CLIP2: variants seen among roughly 807,000 people sequenced by gnomAD.
The protein encoded by CLIP2 is CAP-Gly domain containing linker protein 2, also known as CAP-Gly domain-containing linker protein 2.
A neutral mutation model predicts 111.7 loss-of-function variants in CLIP2; 41 were observed. The ratio of observed to expected loss-of-function variants is 0.37; its 90% CI spans 0.29 to 0.48. The LOEUF is 0.48. CLIP2 is among the 20% of genes least tolerant of loss of function. CLIP2 has a pLI of 0.99. For synonymous variants in CLIP2, 660 were observed against 644.2 expected (o/e 1.02, Z -0.37); for missense variants, 1,160 against 1,422.1 (o/e 0.82, Z 2.96).
intron 1 of CLIP2, among the ~76,000 whole-genome samples, chr7:74,314,239 C>T (rs1554728863): frequency 1.3e-5 from 2 of 150,842 alleles, no homozygotes; most frequent in East Asian, 3.9e-4. Flanking sequence ...GCCTGTAATC[C>T]CTGCATTGTG....
In CLIP2 at chr7:74,401,549, C is replaced by T. The variant is rs77274671; in HGVS notation, c.3111C>T (p.Asp1037=). 1.3e-5 allele frequency: 21 copies of T among 1,614,018 alleles called. No individual in the cohort carries two copies. In the East Asian group the frequency reaches 1.8e-4, roughly 14 times the overall value. The change falls in exon 16 of 17, where the codon GAC becomes GAT. Residue 1037 remains aspartate, a synonymous_variant. Coordinates refer to ENST00000223398, the MANE Select transcript of CLIP2 (RefSeq NM_003388.5). ...SGSANGIHQQ[D]KAQKQEDKH is the part of the protein sequence containing the mutation. ...CTGCAAACGGCATCCACCAGCAGGA[C>T]AAAGCTCAGAAACAAGAGGTGAGGG...
At chr7:74,389,387 G>T (rs769684158) in intron 13 of CLIP2, 128 bp downstream of exon 13, 5 of 905,318 alleles carry the variant, frequency 5.5e-6, no homozygotes, top group Non-Finnish European at 6.5e-6. Context: ...GGCCGATCTC[G>T]AGCGATCACC....
chr7:74,370,754 G>A (rs1249367881), intron 8 of CLIP2, among the ~76,000 whole-genome samples: 1 of 151,954 alleles, frequency 6.6e-6, no homozygotes, highest in African/African-American at 2.4e-5. Context: ...AAACACTTGC[G>A]CCTCTTCCTC....
rs921161188 is a variant in CLIP2, at chr7:74,389,279, G to A, written c.2720+20G>A. On this transcript the variant is annotated intron_variant, in intron 13 of 16. Transcript: ENST00000223398. The stretch of plus-strand genomic sequence containing the variant: ...GGAGCGGTGAGGCGGCCGTGGGGCC[G>A]GCTGGGTCCTCCCTGTGGCCCTGGC... The A allele has an allele frequency of 1.9e-5, 29 of 1,554,316 alleles. No homozygotes were observed. The highest frequency in any genetic ancestry group is 1.8e-4 in the Middle Eastern group (1 of 5,692).
chr7:74,404,520 AAC>A lies in CLIP2; in HGVS notation c.*683_*684del, dbSNP rs1562736474. 6 of 154,358 alleles carry A rather than the reference AAC, an allele frequency of 3.9e-5. No homozygotes were observed. Among genetic ancestry groups the A allele is most frequent in the Non-Finnish European group, 7.2e-5 (5 of 69,228 alleles). 9.6% of individuals were successfully genotyped at this position (154,358 alleles called of 1,614,324 possible). A position where few individuals can be genotyped will look rare whatever the true frequency, so the allele number is the denominator to read the frequency against. On this transcript the variant is annotated 3_prime_UTR_variant, in exon 17 of 17. Coordinates refer to ENST00000223398, the MANE Select transcript of CLIP2 (RefSeq NM_003388.5). ...CCTTCTCCCGCTGCCCACCAACACC[AAC>A]ACACACACACCTCTAAGCTGCTGGC...
At chr7:74,303,767 C>T (rs1044848725) in intron 1 of CLIP2, among the ~76,000 whole-genome samples, 1 of 151,644 alleles carries the variant, frequency 6.6e-6, no homozygotes, top group East Asian at 2.0e-4. Flanking sequence ...CAAAAATTAG[C>T]CAGTTGTGGT....
In CLIP2 at chr7:74,338,887, G is replaced by T; in HGVS notation, c.561G>T (p.Leu187=). ...TPPLTSRVIP[L]RESVLNSSVK... Reference sequence around the variant, plus strand: ...CGCTGACCAGCCGCGTCATCCCCCTGCGGGAGAGCGTCCTCAACAGCTCCG... The same window carrying T: ...CGCTGACCAGCCGCGTCATCCCCCTTCGGGAGAGCGTCCTCAACAGCTCCG... The change falls in exon 3 of 17, where the codon CTG becomes CTT. Residue 187 remains leucine (L), a synonymous_variant. Coordinates refer to ENST00000223398, the MANE Select transcript of CLIP2 (RefSeq NM_003388.5). This position sits in a 1 kb window ranked among gnomAD's most constrained non-coding sequence, Gnocchi z 4.3. The T allele has an allele frequency of 6.2e-7, 1 of 1,605,918 alleles. No homozygotes were observed.
chr7:74,328,222 G>A (rs949405358), intron 2 of CLIP2, among the ~76,000 whole-genome samples: 3 of 152,150 alleles, frequency 2.0e-5, no homozygotes, highest in African/African-American at 2.4e-5. Context: ...GACCCAATGC[G>A]GGGACTGCCG....
intron 7 of CLIP2, among the ~76,000 whole-genome samples, chr7:74,362,326 C>T (rs969431600): frequency 2.0e-5 from 3 of 152,042 alleles, no homozygotes; most frequent in Non-Finnish European, 4.4e-5. Context: ...GCAGCCAGCC[C>T]CCATCCCCAA....
intron 2 of CLIP2, among the ~76,000 whole-genome samples, chr7:74,324,097 A>G (rs1452866369): frequency 6.6e-6 from 1 of 152,104 alleles, no homozygotes; most frequent in East Asian, 1.9e-4. Context: ...GGTTCAAGCG[A>G]TTCTTCTGCC....
intron 8 of CLIP2, 88 bp downstream of exon 8, chr7:74,364,403 C>T: frequency 8.6e-7 from 1 of 1,157,286 alleles, no homozygotes; most frequent in Non-Finnish European, 1.3e-6. Flanking sequence ...CCAGCAGCAC[C>T]TCTAGGCCCC....
intron 2 of CLIP2, among the ~76,000 whole-genome samples, chr7:74,337,944 G>A (rs1390728167): frequency 1.3e-5 from 2 of 152,108 alleles, no homozygotes; most frequent in East Asian, 3.9e-4. Flanking sequence ...GCTCTGGAGG[G>A]CTGGAAGAGT....
intron 6 of CLIP2, among the ~76,000 whole-genome samples, chr7:74,359,499 G>T (rs1790257012): frequency 6.6e-6 from 1 of 151,516 alleles, no homozygotes; most frequent in Non-Finnish European, 1.5e-5. Context: ...GACTACAGGA[G>T]CCCACCACCA....
Position 74,376,752 on chromosome 7 carries a change from G to C in CLIP2, c.2351G>C (p.Arg784Pro). The change falls in exon 10 of 17, where the codon CGG (arginine) becomes CCG (proline). Residue 784 changes from arginine to proline, a missense_variant. Arg to Pro is a moderately radical substitution (Grantham distance 103). Transcript: ENST00000223398. The surrounding 1 kb of genome is among the most constrained non-coding windows in gnomAD (Gnocchi z 7.1). The stretch of plus-strand genomic sequence containing the variant: ...GGCAAACAGGAGGTCGAGAGTTTGC[G>C]GGAGAAGCTCCTGGTGGCTGAGAAC... ...AQGKQEVESL[R>P]EKLLVAENRL... 1 of 1,612,128 alleles carries C rather than the reference G, an allele frequency of 6.2e-7. No individual in the cohort carries two copies. The highest frequency in any genetic ancestry group is 8.5e-7 in the Non-Finnish European group (1 of 1,179,516).
intron 2 of CLIP2, among the ~76,000 whole-genome samples, chr7:74,331,538 C>T (rs868932710): frequency 8.3e-4 from 120 of 144,276 alleles, no homozygotes; most frequent in South Asian, 3.5e-3. Context: ...CTTTTCTTTT[C>T]GTTTTCTTTT....
chr7:74,320,248 G>A (rs1554729847), intron 2 of CLIP2, among the ~76,000 whole-genome samples: 2 of 150,286 alleles, frequency 1.3e-5, no homozygotes, highest in Admixed American at 6.6e-5. Flanking sequence ...AGTGGGGGCC[G>A]GGCACAGTGA....
intron 2 of CLIP2, among the ~76,000 whole-genome samples, chr7:74,337,008 C>T (rs1345675873): frequency 6.6e-6 from 1 of 151,782 alleles, no homozygotes; most frequent in Non-Finnish European, 1.5e-5. Flanking sequence ...GTCTCAGCCT[C>T]CTGGGTAGCT....
chr7:74,293,775 G>T (rs782795994), intron 1 of CLIP2, among the ~76,000 whole-genome samples: 1 of 152,218 alleles, frequency 6.6e-6, no homozygotes, highest in African/African-American at 2.4e-5. Context: ...GATCAGGCCA[G>T]TGTGGGGAGG....
chr7:74,302,715 A>G (rs1230736015), intron 1 of CLIP2, among the ~76,000 whole-genome samples: 2 of 152,110 alleles, frequency 1.3e-5, no homozygotes, highest in Admixed American at 6.5e-5. Context: ...GGTCCACACT[A>G]TCCACTGTGG....
Sources: gnomAD v4.1 joint callset for allele counts (sites outside exome capture counted in the v4.1 genomes callset) on GRCh38, gnomAD v4.1.1 for gene constraint, Gnocchi (gnomAD v3.1) non-coding constraint, MANE v1.5 for transcripts, NCBI Gene and HGNC (gene_info 2026-07-23, HGNC 2026-07-21) for gene names.